The following TGFBR3 variants were observed in gnomAD, a reference collection of about 807,000 sequenced individuals.
The protein encoded by TGFBR3 is transforming growth factor beta receptor type 3.
A neutral mutation model predicts 87.9 loss-of-function variants in TGFBR3; 46 were observed. The ratio of observed to expected loss-of-function variants is 0.52; its 90% CI spans 0.41 to 0.67. The LOEUF (loss-of-function observed/expected upper bound fraction) is 0.67. Among genes scored for constraint, TGFBR3 ranks in the 30% least tolerant of loss-of-function variants. The probability of loss-of-function intolerance (pLI) is 0.00; values close to 1 mark genes in which losing one functional copy is unlikely to be tolerated. For synonymous variants in TGFBR3, 381 were observed against 391.6 expected (o/e 0.97, Z 0.32); for missense variants, 866 against 1,041.9 (o/e 0.83, Z 2.32).
At chr1:91,710,468 G>A (rs1031076899) in intron 13 of TGFBR3, among the ~76,000 whole-genome samples, 3 of 152,104 alleles carry the variant, frequency 2.0e-5, no homozygotes, top group Admixed American at 2.0e-4. Context: ...GTGACCCTGG[G>A]CAAGACACTC....
At chr1:91,861,708 A>G (rs1678202198) in intron 1 of TGFBR3, 64 bp from the exon 2 acceptor site, 1 of 656,232 alleles carries the variant, frequency 1.5e-6, no homozygotes, top group Non-Finnish European at 2.8e-6. Flanking sequence ...AGACACTAAA[A>G]TTAAACAGAG....
chr1:91,744,790 C>T (rs562010172), intron 4 of TGFBR3, among the ~76,000 whole-genome samples: 31 of 152,206 alleles, frequency 2.0e-4, no homozygotes, highest in Non-Finnish European at 3.2e-4. Context: ...TTATAAAGCT[C>T]GAATGAGATT....
At chr1:91,880,762 C>G (rs1679052092) in intron 1 of TGFBR3, among the ~76,000 whole-genome samples, 1 of 151,416 alleles carries the variant, frequency 6.6e-6, no homozygotes, top group Non-Finnish European at 1.5e-5. Flanking sequence ...GCCTGTAATC[C>G]CAACAATTTG....
intron 1 of TGFBR3, among the ~76,000 whole-genome samples, chr1:91,874,026 G>T (rs1020309650): frequency 2.0e-5 from 3 of 152,020 alleles, no homozygotes; most frequent in Non-Finnish European, 4.4e-5. Context: ...TTCATGCCAG[G>T]ACTGTTCCAG....
At chr1:91,904,239 G>A (rs1679795685) in intron 1 of TGFBR3, among the ~76,000 whole-genome samples, 1 of 150,328 alleles carries the variant, frequency 6.7e-6, no homozygotes, top group African/African-American at 2.4e-5. Context: ...CTTATAGAGA[G>A]CACAGTGGTT....
chr1:91,702,199 A>G (rs758607791), intron 14 of TGFBR3, among the ~76,000 whole-genome samples: 1 of 152,220 alleles, frequency 6.6e-6, no homozygotes, highest in Non-Finnish European at 1.5e-5. Flanking sequence ...GAAACTTTGC[A>G]CTAGGCTGTA....
intron 1 of TGFBR3, among the ~76,000 whole-genome samples, chr1:91,879,896 T>C (rs1043083270): frequency 6.7e-6 from 1 of 150,074 alleles, no homozygotes; most frequent in Admixed American, 6.7e-5. Flanking sequence ...TGAACCCAGA[T>C]CCTTCTTGTA....
At position 91,683,812 on chromosome 1, in the gene TGFBR3, G is replaced by A. The variant is rs1670998167; in HGVS notation, c.2483C>T (p.Ser828Leu). The change falls in exon 17 of 17, where the codon TCG (serine) becomes TTG (leucine). Residue 828 changes from serine to leucine, a missense_variant. By Grantham distance (145) the Ser-to-Leu change is moderately radical. Coordinates refer to ENST00000212355, the MANE Select transcript of TGFBR3 (RefSeq NM_003243.5). ...RQQVPTSPPA[S>L]ENSSAAHSIG... Reference sequence around the variant, plus strand: ...GCTGTGGGCAGCACTGCTGTTTTCCGAGGCTGGCGGGGAGGTGGGGACTTG... The same window carrying A: ...GCTGTGGGCAGCACTGCTGTTTTCCAAGGCTGGCGGGGAGGTGGGGACTTG... 3.7e-6 allele frequency: 6 copies of A among 1,608,878 alleles called. No homozygotes were observed. The highest frequency in any genetic ancestry group is 1.7e-5 in the Admixed American group (1 of 59,444).
Position 91,810,632 on chromosome 1 carries a change from A to G in TGFBR3, c.62-13161T>C, listed in dbSNP as rs1490031400. ...GATGAATTCATGTGCCAAACAACCA[A>G]ACTCCCAAGCTGCTAATTCTCTAAG... is the stretch of plus-strand genomic sequence containing the variant. On this transcript the variant is annotated intron_variant, in intron 2 of 16. Transcript: ENST00000212355. Among the ~76,000 whole-genome samples the G allele has an allele frequency of 5.9e-5, 9 of 152,182 alleles. No homozygotes were observed. In the East Asian group the frequency reaches 1.7e-3, roughly 29 times the overall value.
rs573595461 is a variant in TGFBR3, at chr1:91,767,530, G to C, written c.247-8780C>G. ...TCCATGGCTCCTGTTGAGATTTGCT[G>C]CTCTCATCAAAAGGAAGTGCTCTGC... On this transcript the variant is annotated intron_variant, in intron 3 of 16. Transcript: ENST00000212355. Among the ~76,000 whole-genome samples, 10 of 133,514 alleles carry C rather than the reference G, an allele frequency of 7.5e-5. 2 individuals carry two copies. The highest frequency in any genetic ancestry group is 1.2e-4 in the Non-Finnish European group (7 of 60,838). The allele number at this position is 133,514 out of a possible 152,430, so 87.6% of individuals were successfully genotyped here.
Position 91,891,174 on chromosome 1 carries a change from T to A in TGFBR3, c.-114+8463A>T, listed in dbSNP as rs556289535. Reference sequence around the variant, plus strand: ...AAAGTGCTGGGATTACAGGTGTGAGTCACTGAGCCTGGTCTCTCTTTTTTT... The same window carrying A: ...AAAGTGCTGGGATTACAGGTGTGAGACACTGAGCCTGGTCTCTCTTTTTTT... On this transcript the variant is annotated intron_variant, in intron 2 of 17. Transcript: ENST00000370399. 1.6e-3 allele frequency among the ~76,000 whole-genome samples: 239 copies of A among 151,306 alleles called. 2 individuals carry two copies. Among genetic ancestry groups the A allele is most frequent in the African/African-American group, 5.7e-3 (237 of 41,262 alleles).
chr1:91,885,610 T>A (rs1267523240), intron 1 of TGFBR3, among the ~76,000 whole-genome samples: 1 of 151,902 alleles, frequency 6.6e-6, no homozygotes. Flanking sequence ...CGTGGAGAAT[T>A]CCTCCCCAGC....
At chr1:91,703,123 G>C (rs1440787593) in intron 14 of TGFBR3, among the ~76,000 whole-genome samples, 1 of 151,794 alleles carries the variant, frequency 6.6e-6, no homozygotes, top group Non-Finnish European at 1.5e-5. Flanking sequence ...TTCTTGGATA[G>C]AGAATGAATG....
At chr1:91,863,837 T>A (rs1041483556) in intron 1 of TGFBR3, 6 of 152,232 alleles carry the variant, frequency 3.9e-5, no homozygotes, top group South Asian at 2.1e-4. Flanking sequence ...ATTATCCCTC[T>A]AAGTCGAACA....
At chr1:91,815,686 C>T (rs1676197508) in intron 2 of TGFBR3, among the ~76,000 whole-genome samples, 1 of 152,168 alleles carries the variant, frequency 6.6e-6, no homozygotes, top group African/African-American at 2.4e-5. Flanking sequence ...ATACTACATA[C>T]CTTGCCAAAA....
chr1:91,890,407 A>ATTTTTT (rs1557765290), upstream of TGFBR3, among the ~76,000 whole-genome samples: 5 of 57,884 alleles, frequency 8.6e-5, no homozygotes, highest in African/African-American at 1.6e-4. Context: ...TTTCTCTATA[A>ATTTTTT]TCTTTTTTTT....
intron 1 of TGFBR3, among the ~76,000 whole-genome samples, chr1:91,877,910 T>G (rs1285575715): frequency 6.6e-6 from 1 of 152,188 alleles, no homozygotes; most frequent in African/African-American, 2.4e-5. Flanking sequence ...GAATGTCTAT[T>G]CAGAAATGCT....
At chr1:91,892,297 G>C (rs1301640106) in intron 2 of TGFBR3, among the ~76,000 whole-genome samples, 1 of 151,936 alleles carries the variant, frequency 6.6e-6, no homozygotes, top group Non-Finnish European at 1.5e-5. Context: ...AGCAGGGCTG[G>C]GATTCCAGAA....
chr1:91,766,018 G>C (rs1247365915), intron 3 of TGFBR3, among the ~76,000 whole-genome samples: 1 of 151,730 alleles, frequency 6.6e-6, no homozygotes, highest in African/African-American at 2.4e-5. Flanking sequence ...CTATACAAAC[G>C]TATTTCCTCT....
Sources: allele counts gnomAD v4.1 joint callset (sites outside exome capture counted in the v4.1 genomes callset), GRCh38; gene constraint gnomAD v4.1.1; transcripts MANE v1.5; gene names NCBI Gene and HGNC (gene_info 2026-07-23, HGNC 2026-07-21).